The following DNASE1 variants were observed in gnomAD, a reference collection of about 807,000 sequenced individuals.
The protein encoded by DNASE1 is deoxyribonuclease-1.
DNASE1 carries 40 observed loss-of-function variants against 33.9 expected under a neutral mutation model. The observed-to-expected ratio is 1.18, with a 90% confidence interval of 0.92 to 1.54. The LOEUF (loss-of-function observed/expected upper bound fraction) is 1.54. Ranked by LOEUF, DNASE1 falls within the 40% of genes most tolerant of loss-of-function variation. The pLI, the probability that DNASE1 is intolerant of heterozygous loss-of-function variation, is 0.00. For missense variants in DNASE1, 518 were observed against 372.6 expected (o/e 1.39, Z -3.21); for synonymous variants, 216 against 160.0 (o/e 1.35, Z -2.64).
At chr16:3,634,548 C>T (rs957873873) in intron 1 of DNASE1, among the ~76,000 whole-genome samples, 6 of 151,876 alleles carry the variant, frequency 4.0e-5, no homozygotes, top group Admixed American at 6.6e-5. Flanking sequence ...CTTGGTCTGT[C>T]GTCCAGGCTG....
intron 1 of DNASE1, among the ~76,000 whole-genome samples, chr16:3,628,928 T>C (rs2151173950): frequency 6.7e-6 from 1 of 148,320 alleles, no homozygotes; most frequent in East Asian, 2.1e-4. Context: ...TCCCAGCACT[T>C]TGGGAAGCCG....
chr16:3,662,448 T>C (rs2043137493), downstream of DNASE1: 2 of 538,398 alleles, frequency 3.7e-6, no homozygotes, highest in South Asian at 2.0e-5. Context: ...CAAGTGACCA[T>C]GCATGGGACG....
At chr16:3,654,110 C>G (rs148986688), upstream of DNASE1, 265 of 324,138 alleles carry the variant, frequency 8.2e-4, 2 homozygotes, top group East Asian at 0.012. Flanking sequence ...GACCCTGTCT[C>G]AAAAACAATA....
At chr16:3,631,225 C>G (rs1473498294) in intron 1 of DNASE1, among the ~76,000 whole-genome samples, 1 of 151,798 alleles carries the variant, frequency 6.6e-6, no homozygotes, top group Non-Finnish European at 1.5e-5. Context: ...GTTTTTGAGA[C>G]AGAGTCTTGG....
intron 1 of DNASE1, among the ~76,000 whole-genome samples, chr16:3,612,195 C>G (rs2040903039): frequency 6.6e-6 from 1 of 152,080 alleles, no homozygotes; most frequent in African/African-American, 2.4e-5. Context: ...GGACTTTACA[C>G]ATCGTATTAA....
upstream of DNASE1, chr16:3,654,534 G>A (rs899049185): frequency 2.5e-6 from 1 of 398,568 alleles, no homozygotes; most frequent in African/African-American, 2.1e-5. Flanking sequence ...AAGAGACAGG[G>A]AGACTGGAGC....
chr16:3,624,139 C>G (rs906554207), intron 1 of DNASE1, among the ~76,000 whole-genome samples: 2 of 151,616 alleles, frequency 1.3e-5, no homozygotes, highest in Non-Finnish European at 2.9e-5. Context: ...CAGCTGGGCG[C>G]GGTAGTGCAC....
rs552850536 is a variant in DNASE1, at chr16:3,634,687, T to A, written c.-1358-6028T>A. On this transcript the variant is annotated intron_variant and NMD_transcript_variant, in intron 1 of 11. Transcript: ENST00000570769. ...ACCATGCCTAGATAATTTTTTTTTT[T>A]AATTTCTAGTAGAGACAGGGTCTCG... Among the ~76,000 whole-genome samples, 12 of 151,084 alleles carry A rather than the reference T, an allele frequency of 7.9e-5. No individual in the cohort carries two copies. The South Asian group carries it at 1.1e-3, about 13-fold the overall frequency.
chr16:3,632,052 A>G (rs2041716992), intron 1 of DNASE1, among the ~76,000 whole-genome samples: 1 of 152,192 alleles, frequency 6.6e-6, no homozygotes, highest in Non-Finnish European at 1.5e-5. Flanking sequence ...AAATTACATT[A>G]TTATATACTG....
At chr16:3,664,581 G>A (rs983173827) in exon 10 of DNASE1, 37 of 1,094,300 alleles carry the variant, frequency 3.4e-5, no homozygotes, top group South Asian at 9.2e-5. Context: ...GCCCTGACCC[G>A]AGGGACGGTA....
At chr16:3,664,572 C>T in exon 10 of DNASE1, 1 of 1,212,294 alleles carries the variant, frequency 8.2e-7, no homozygotes, top group Non-Finnish European at 1.1e-6. Flanking sequence ...TCCAGGCTGG[C>T]CCTGACCCGA....
At chr16:3,661,648 G>C (rs1331173061), downstream of DNASE1, 4 of 262,860 alleles carry the variant, frequency 1.5e-5, no homozygotes, top group Non-Finnish European at 1.4e-5. Flanking sequence ...AGCAACGTGA[G>C]ACTTCAGCAA....
intron 1 of DNASE1, 66 bp downstream of exon 1, chr16:3,655,110 C>G (rs2042507180): frequency 1.7e-6 from 1 of 598,168 alleles, no homozygotes; most frequent in Admixed American, 3.0e-5. Flanking sequence ...GGCTTAGAGT[C>G]TCATCCTCCA....
Position 3,657,349 on chromosome 16 carries a change from G to C in DNASE1, c.704+8G>C, listed in dbSNP as rs1186544661. ...GCACTGTGCCTATGACAGGTGAGCA[G>C]GGCCTCGCGCTTAGGGCAGACTGAG... On this transcript the variant is annotated splice_region_variant and intron_variant, in intron 7 of 8. Coordinates refer to ENST00000246949, the MANE Select transcript of DNASE1 (RefSeq NM_005223.4). The C allele has an allele frequency of 2.5e-6, 4 of 1,612,030 alleles. No individual in the cohort carries two copies. Among genetic ancestry groups the C allele is most frequent in the Middle Eastern group, 3.3e-4 (2 of 6,080 alleles).
At chr16:3,617,356 A>AAAAAAAAAAAAAAAAATAC (rs2041144810) in intron 1 of DNASE1, among the ~76,000 whole-genome samples, 1 of 148,962 alleles carries the variant, frequency 6.7e-6, no homozygotes, top group Non-Finnish European at 1.5e-5. Flanking sequence ...AAAAAAAAGA[A>AAAAAAAAAAAAAAAAATAC]TACTACAAGG....
intron 3 of DNASE1, 65 bp downstream of exon 3, chr16:3,656,002 TGG>T (rs1274374332): frequency 1.2e-6 from 2 of 1,612,256 alleles, no homozygotes; most frequent in East Asian, 4.5e-5. Context: ...TCACTTCACT[TGG>T]GCCCCAAGGG....
At chr16:3,631,648 CT>C (rs1430250590) in intron 1 of DNASE1, among the ~76,000 whole-genome samples, 3 of 152,112 alleles carry the variant, frequency 2.0e-5, no homozygotes, top group Non-Finnish European at 4.4e-5. Context: ...CCTCAGCCCC[CT>C]AGTAGTGGGA....
chr16:3,613,908 A>AT (rs200976238), intron 1 of DNASE1, among the ~76,000 whole-genome samples: 6,829 of 112,840 alleles, frequency 0.061, 232 homozygotes, highest in East Asian at 0.13. Flanking sequence ...CGCCTGGCTA[A>AT]TTTTTTTTTT....
At chr16:3,619,639 G>A (rs1205772402) in intron 1 of DNASE1, among the ~76,000 whole-genome samples, 1 of 151,988 alleles carries the variant, frequency 6.6e-6, no homozygotes, top group Admixed American at 6.6e-5. Flanking sequence ...GGGATTACAG[G>A]CATGAGCCAC....
Sources: allele counts gnomAD v4.1 joint callset (sites outside exome capture counted in the v4.1 genomes callset), GRCh38; gene constraint gnomAD v4.1.1; transcripts MANE v1.5; gene names NCBI Gene and HGNC (gene_info 2026-07-23, HGNC 2026-07-21).